USH2A: variants seen among roughly 807,000 people sequenced by gnomAD.
USH2A encodes usherin.
USH2A carries 443 observed loss-of-function variants against 538.9 expected under a neutral mutation model. The ratio of observed to expected loss-of-function variants is 0.82; its 90% CI spans 0.76 to 0.89. USH2A has a LOEUF of 0.89. USH2A is among the 40% of genes least tolerant of loss of function. The pLI, the probability that USH2A is intolerant of heterozygous loss-of-function variation, is 0.00. For synonymous variants in USH2A, 2,413 were observed against 2,273.5 expected, an observed-to-expected ratio of 1.06 and a Z score of -1.75; for missense variants, 6,633 against 6,324.8, an observed-to-expected ratio of 1.05 and a Z score of -1.65.
intron 71 of USH2A, among the ~76,000 whole-genome samples, chr1:215,627,485 TTTCCTTCCTTCCTTCCTTCTTTCCTTCC>T (rs1656095000): frequency 1.1e-5 from 1 of 94,510 alleles, no homozygotes; most frequent in Non-Finnish European, 2.2e-5. Flanking sequence ...TCCTTCCTTC[TTTCCTTCCTTCCTTCCTTCTTTCCTTCC>T]TTCCTTCCTT....
intron 21 of USH2A, among the ~76,000 whole-genome samples, chr1:216,139,362 G>A (rs1179969286): frequency 6.6e-6 from 1 of 151,148 alleles, no homozygotes; most frequent in Non-Finnish European, 1.5e-5. Context: ...AAGTTATAAT[G>A]GACCCTTGAG....
chr1:215,765,635 C>T (rs1386751369), intron 56 of USH2A, among the ~76,000 whole-genome samples: 3 of 152,034 alleles, frequency 2.0e-5, no homozygotes, highest in African/African-American at 4.8e-5. Context: ...AAGTAAATGA[C>T]ACCAGCCATC....
intron 4 of USH2A, among the ~76,000 whole-genome samples, chr1:216,352,431 A>C (rs911366126): frequency 1.3e-5 from 2 of 152,188 alleles, no homozygotes; most frequent in Non-Finnish European, 2.9e-5. Flanking sequence ...GAAATTAACT[A>C]TTAGATTTAT....
intron 3 of USH2A, among the ~76,000 whole-genome samples, chr1:216,418,105 C>A (rs956512039): frequency 1.3e-5 from 2 of 152,092 alleles, no homozygotes; most frequent in African/African-American, 4.8e-5. Context: ...TTATTCACAT[C>A]ATCAGCTGCT....
chr1:216,000,700 T>C (rs1668249391), intron 32 of USH2A, 138 bp from the exon 33 acceptor site: 2 of 1,065,964 alleles, frequency 1.9e-6, no homozygotes, highest in Non-Finnish European at 2.8e-6. Context: ...TAAAAATCAA[T>C]AGCAATAACA....
At chr1:216,199,571 A>G in intron 17 of USH2A, 56 bp downstream of exon 17, 2 of 1,612,218 alleles carry the variant, frequency 1.2e-6, no homozygotes, top group South Asian at 1.1e-5. Context: ...CACAATTACA[A>G]TAGATTCTCA....
chr1:215,959,274 C>T (rs1168935605), intron 37 of USH2A, among the ~76,000 whole-genome samples: 1 of 151,894 alleles, frequency 6.6e-6, no homozygotes, highest in Non-Finnish European at 1.5e-5. Flanking sequence ...TTTTTAAAAA[C>T]ATTCTTAAAT....
chr1:215,886,786 GATACTT>G (rs1665067467), intron 41 of USH2A: 1 of 152,200 alleles, frequency 6.6e-6, no homozygotes, highest in South Asian at 2.1e-4. Context: ...CAGGCAAGCT[GATACTT>G]TTAATTATTG....
At chr1:215,766,935 C>T (rs1661150598) in intron 55 of USH2A, 147 bp from the exon 56 acceptor site, 2 of 789,946 alleles carry the variant, frequency 2.5e-6, no homozygotes. Context: ...AAGGTCTGAA[C>T]CTCATAAGAG....
rs1181718393 is a variant in USH2A at position 216,046,584 on chromosome 1, C to T, written c.6172G>A (p.Glu2058Lys). ...GATTTGGCTACTGGTGGCTGAACCT[C>T]TTGTGGGGCTGTGGAAGAAAAGATT... ...NISTPQEAPQ[E>K]VQPPVAKSLP... Residue 2058 changes from glutamate to lysine, a missense_variant, in exon 32 of 72, where the codon GAG (glutamate) becomes AAG (lysine). Coordinates refer to ENST00000307340, the MANE Select transcript of USH2A (RefSeq NM_206933.4). 3 of 1,613,590 alleles carry T rather than the reference C, an allele frequency of 1.9e-6. No homozygotes were observed. Among genetic ancestry groups the T allele is most frequent in the African/African-American group, 1.3e-5 (1 of 74,880 alleles).
chr1:215,866,960 T>C (rs1365034364), intron 44 of USH2A, 47 bp downstream of exon 44: 2 of 1,613,366 alleles, frequency 1.2e-6, no homozygotes, highest in East Asian at 4.5e-5. Context: ...AGAATATGCT[T>C]TTAAAAATAC....
chr1:215,877,345 A>G (rs904722959), intron 43 of USH2A, among the ~76,000 whole-genome samples: 1 of 152,232 alleles, frequency 6.6e-6, no homozygotes, highest in Non-Finnish European at 1.5e-5. Context: ...GACTGAATCA[A>G]TAACTTACAA....
intron 15 of USH2A, among the ~76,000 whole-genome samples, chr1:216,215,367 A>T (rs1433260884): frequency 6.6e-6 from 1 of 152,128 alleles, no homozygotes; most frequent in Non-Finnish European, 1.5e-5. Flanking sequence ...AGATAGCACT[A>T]CATTCCTTTC....
intron 3 of USH2A, among the ~76,000 whole-genome samples, chr1:216,400,686 C>T (rs553590059): frequency 1.3e-5 from 2 of 152,212 alleles, no homozygotes; most frequent in South Asian, 4.1e-4. Flanking sequence ...ACCTTGAAAG[C>T]AGCCAGAGGA....
intron 38 of USH2A, among the ~76,000 whole-genome samples, chr1:215,912,504 TATATATAC>T (rs1477951963): frequency 6.7e-4 from 16 of 24,000 alleles, no homozygotes; most frequent in African/African-American, 2.1e-3. Context: ...TATATATATA[TATATATAC>T]GTGTATATAT....
chr1:216,417,816 G>A (rs1201837501), intron 3 of USH2A, among the ~76,000 whole-genome samples: 1 of 151,994 alleles, frequency 6.6e-6, no homozygotes, highest in African/African-American at 2.4e-5. Context: ...ATTTTTTATA[G>A]TAGTGGAAGA....
intron 3 of USH2A, among the ~76,000 whole-genome samples, chr1:216,411,715 CTG>C (rs2039493309): frequency 1.3e-5 from 2 of 152,108 alleles, no homozygotes; most frequent in Admixed American, 1.3e-4. Context: ...ACTCTGGTGT[CTG>C]TGCAAACACC....
intron 9 of USH2A, among the ~76,000 whole-genome samples, chr1:216,318,452 G>A (rs1283168936): frequency 6.6e-6 from 1 of 152,112 alleles, no homozygotes; most frequent in Non-Finnish European, 1.5e-5. Flanking sequence ...ACTTTGAATG[G>A]TAACAAAGGA....
chr1:215,693,944 C>T (rs1317428610), intron 61 of USH2A, among the ~76,000 whole-genome samples: 1 of 152,158 alleles, frequency 6.6e-6, no homozygotes, highest in Non-Finnish European at 1.5e-5. Context: ...AAGATGAATC[C>T]AATTTGTTTG....
Sources: gnomAD v4.1 joint callset for allele counts (sites outside exome capture counted in the v4.1 genomes callset) on GRCh38, gnomAD v4.1.1 for gene constraint, MANE v1.5 for transcripts, NCBI Gene and HGNC (gene_info 2026-07-23, HGNC 2026-07-21) for gene names.